The following PHF24 variants were observed in gnomAD, a reference collection of about 807,000 sequenced individuals.
PHF24 encodes Galpha inhibitory interacting protein.
PHF24 carries 25 observed loss-of-function variants against 42.6 expected under a neutral mutation model. The ratio of observed to expected loss-of-function variants is 0.59; its 90% CI spans 0.43 to 0.82. The LOEUF (loss-of-function observed/expected upper bound fraction) is 0.82. Ranked by LOEUF, PHF24 falls within the 40% of genes least tolerant of loss-of-function variation. PHF24 has a pLI of 0.00. For synonymous variants in PHF24, 185 were observed against 204.8 expected (o/e 0.90, Z 0.83); for missense variants, 470 against 538.1 (o/e 0.87, Z 1.25).
chr9:34,943,947 G>C, the PHF24 span, among the ~76,000 whole-genome samples: 1 of 152,216 alleles, frequency 6.6e-6, no homozygotes, highest in African/African-American at 2.4e-5. Flanking sequence ...TTTCCTGATG[G>C]CCTGGGTGAA....
the PHF24 span, among the ~76,000 whole-genome samples, chr9:34,755,223 A>G: frequency 3.9e-5 from 6 of 152,232 alleles, no homozygotes; most frequent in Non-Finnish European, 8.8e-5. Flanking sequence ...GATTGTTTGT[A>G]AGACAAAGGA....
chr9:34,735,010 G>C, the PHF24 span, among the ~76,000 whole-genome samples: 1 of 152,058 alleles, frequency 6.6e-6, no homozygotes, highest in East Asian at 1.9e-4. Context: ...CTCAGCTCCT[G>C]ACTAGACTGA....
At chr9:34,677,689 C>T in the PHF24 span, among the ~76,000 whole-genome samples, 7 of 152,118 alleles carry the variant, frequency 4.6e-5, no homozygotes, top group African/African-American at 1.2e-4. Flanking sequence ...TGAGCCACTT[C>T]GCCCAGCCAG....
the PHF24 span, among the ~76,000 whole-genome samples, chr9:34,936,011 GTCTCCCTCTCCC>G: frequency 2.0e-5 from 3 of 150,258 alleles, no homozygotes; most frequent in African/African-American, 7.4e-5. Context: ...AAAAAATTGA[GTCTCCCTCTCCC>G]TCTCCCGCTC....
the PHF24 span, among the ~76,000 whole-genome samples, chr9:34,864,422 C>A: frequency 4.3e-4 from 66 of 152,178 alleles, no homozygotes; most frequent in African/African-American, 1.5e-3. Flanking sequence ...AAATAACATA[C>A]AATGGAGCTC....
the PHF24 span, among the ~76,000 whole-genome samples, chr9:34,840,253 C>T: frequency 6.6e-6 from 1 of 152,242 alleles, no homozygotes; most frequent in African/African-American, 2.4e-5. Flanking sequence ...ATCCTTGTCT[C>T]TCATCTCTCA....
chr9:34,814,905 T>C, the PHF24 span, among the ~76,000 whole-genome samples: 7 of 152,116 alleles, frequency 4.6e-5, no homozygotes, highest in African/African-American at 1.7e-4. Context: ...CATGGCCAGC[T>C]AATTTTTGTA....
At chr9:34,864,998 GT>G in the PHF24 span, among the ~76,000 whole-genome samples, 1 of 152,030 alleles carries the variant, frequency 6.6e-6, no homozygotes, top group African/African-American at 2.4e-5. Flanking sequence ...AACCAACATG[GT>G]GAAACCCTGT....
the PHF24 span, chr9:34,724,886 A>G: frequency 2.6e-6 from 4 of 1,549,618 alleles, no homozygotes; most frequent in Admixed American, 7.9e-5. Flanking sequence ...CAGCCCCGAC[A>G]GGAAGGCCAG....
At chr9:34,811,262 T>G in the PHF24 span, among the ~76,000 whole-genome samples, 1 of 152,354 alleles carries the variant, frequency 6.6e-6, no homozygotes, top group East Asian at 1.9e-4. Context: ...TGCTTAAGTT[T>G]AAGAGCTACT....
At chr9:34,709,643 T>C in the PHF24 span, 3 of 1,614,204 alleles carry the variant, frequency 1.9e-6, no homozygotes, top group Admixed American at 3.3e-5. Context: ...CCTTTGGGTC[T>C]GCACATAGCT....
chr9:34,853,135 C>A, the PHF24 span, among the ~76,000 whole-genome samples: 1 of 152,092 alleles, frequency 6.6e-6, no homozygotes, highest in African/African-American at 2.4e-5. Flanking sequence ...AGGTATGTTC[C>A]TTCAGTACCT....
intron 6 of PHF24, 139 bp downstream of exon 6, chr9:34,977,382 T>C: frequency 8.1e-7 from 1 of 1,230,136 alleles, no homozygotes; most frequent in South Asian, 1.4e-5. Context: ...AGGATGGTGA[T>C]GCCTACGGGC....
chr9:34,698,428 G>GTAC, the PHF24 span, among the ~76,000 whole-genome samples: 2 of 92,372 alleles, frequency 2.2e-5, no homozygotes, highest in Non-Finnish European at 6.2e-5. Flanking sequence ...ACTGCAAAAT[G>GTAC]TACTGCAAAA....
the PHF24 span, among the ~76,000 whole-genome samples, chr9:34,699,460 G>A: frequency 6.6e-6 from 1 of 152,232 alleles, no homozygotes; most frequent in East Asian, 1.9e-4. Context: ...TAATTCATGT[G>A]CAGTGGCTGC....
At chr9:34,750,170 C>T in the PHF24 span, among the ~76,000 whole-genome samples, 5 of 152,046 alleles carry the variant, frequency 3.3e-5, no homozygotes, top group African/African-American at 7.2e-5. Context: ...CACAGAAAAA[C>T]ACAGATGAAA....
At chr9:34,894,111 T>C in the PHF24 span, among the ~76,000 whole-genome samples, 1 of 152,166 alleles carries the variant, frequency 6.6e-6, no homozygotes, top group Non-Finnish European at 1.5e-5. Context: ...ATGACTTCTT[T>C]ACGCAAAATC....
At chr9:34,741,777 C>T in the PHF24 span, among the ~76,000 whole-genome samples, 1 of 152,160 alleles carries the variant, frequency 6.6e-6, no homozygotes. Context: ...GTCTCATGTC[C>T]CTTTTCGTTG....
the PHF24 span, among the ~76,000 whole-genome samples, chr9:34,759,922 T>A: frequency 6.6e-6 from 1 of 152,202 alleles, no homozygotes; most frequent in Admixed American, 6.5e-5. Flanking sequence ...GTTTATTTAC[T>A]GGTTTGGGAC....
Sources: gnomAD v4.1 joint callset for allele counts (sites outside exome capture counted in the v4.1 genomes callset) on GRCh38, gnomAD v4.1.1 for gene constraint, MANE v1.5 for transcripts, NCBI Gene and HGNC (gene_info 2026-07-23, HGNC 2026-07-21) for gene names.